The following KCNK9 variants were observed in gnomAD, a reference collection of about 807,000 sequenced individuals.
KCNK9 encodes potassium two pore domain channel subfamily K member 9.
A neutral mutation model predicts 10.8 loss-of-function variants in KCNK9; 1 was observed. The observed-to-expected ratio is 0.09, with a 90% CI of 0.03 to 0.44. The LOEUF (loss-of-function observed/expected upper bound fraction) is 0.44. KCNK9 is among the 20% of genes least tolerant of loss of function. KCNK9 has a pLI of 0.97. For missense variants in KCNK9, 303 were observed against 515.0 expected (o/e 0.59, Z 3.98); for synonymous variants, 231 against 222.7 (o/e 1.04, Z -0.33).
At chr8:139,609,106 A>ACCCCCT (rs1554617339), downstream of KCNK9, among the ~76,000 whole-genome samples, 2 of 123,852 alleles carry the variant, frequency 1.6e-5, no homozygotes, top group African/African-American at 3.2e-5. Context: ...GACCCATCCC[A>ACCCCCT]CCCCACCCCG....
chr8:139,663,691 GAGAT>G (rs1220657165), intron 1 of KCNK9, among the ~76,000 whole-genome samples: 1 of 150,828 alleles, frequency 6.6e-6, no homozygotes, highest in Non-Finnish European at 1.5e-5. Flanking sequence ...GTTAGAGAGA[GAGAT>G]AGAGAGAGAG....
intron 1 of KCNK9, among the ~76,000 whole-genome samples, chr8:139,625,625 G>A (rs1166833442): frequency 6.6e-6 from 1 of 152,058 alleles, no homozygotes; most frequent in Non-Finnish European, 1.5e-5. Context: ...GATTTTCATG[G>A]CCTCTTTAAT....
intron 1 of KCNK9, among the ~76,000 whole-genome samples, chr8:139,643,015 C>T (rs2545459): frequency 0.016 from 2,385 of 152,276 alleles, 31 homozygotes; most frequent in Non-Finnish European, 0.023. Flanking sequence ...GGCCCAGCCT[C>T]TGCATCTGAT....
At chr8:139,699,844 C>T (rs566878908) in intron 1 of KCNK9, among the ~76,000 whole-genome samples, 1 of 152,330 alleles carries the variant, frequency 6.6e-6, no homozygotes, top group South Asian at 2.1e-4. Context: ...GAGAAGAAGC[C>T]TTCATTCGTG....
chr8:139,661,774 C>G (rs1039799191), intron 1 of KCNK9, among the ~76,000 whole-genome samples: 7 of 152,224 alleles, frequency 4.6e-5, no homozygotes, highest in Non-Finnish European at 1.0e-4. Flanking sequence ...CACTTTGGGA[C>G]CAAGCTCCCA....
chr8:139,689,140 G>A (rs1240088356), intron 1 of KCNK9, among the ~76,000 whole-genome samples: 10 of 152,244 alleles, frequency 6.6e-5, no homozygotes, highest in South Asian at 2.1e-4. Context: ...AAAGGCTTCC[G>A]AAGAAATCAA....
intron 1 of KCNK9, among the ~76,000 whole-genome samples, chr8:139,628,257 G>A (rs980881592): frequency 1.3e-5 from 2 of 152,206 alleles, no homozygotes; most frequent in Non-Finnish European, 2.9e-5. Context: ...GGCCACCAGG[G>A]ACAAGAATCA....
chr8:139,635,537 CAG>C (rs1815311393), intron 1 of KCNK9, among the ~76,000 whole-genome samples: 1 of 152,216 alleles, frequency 6.6e-6, no homozygotes, highest in African/African-American at 2.4e-5. Context: ...CCTAACCTTG[CAG>C]AGAGTGAGAG....
chr8:139,613,841 G>A (rs1814502024), downstream of KCNK9, among the ~76,000 whole-genome samples: 1 of 152,204 alleles, frequency 6.6e-6, no homozygotes, highest in African/African-American at 2.4e-5. Flanking sequence ...CAGCTGGCCT[G>A]CATGGGACAG....
chr8:139,677,907 T>G (rs574445323), intron 1 of KCNK9, among the ~76,000 whole-genome samples: 2 of 131,736 alleles, frequency 1.5e-5, no homozygotes, highest in East Asian at 4.0e-4. Context: ...GAGCCCAATG[T>G]GTCCCCACAG....
intron 1 of KCNK9, among the ~76,000 whole-genome samples, chr8:139,648,799 T>A (rs1815768044): frequency 6.6e-6 from 1 of 152,208 alleles, no homozygotes; most frequent in African/African-American, 2.4e-5. Flanking sequence ...CGGACGCCAA[T>A]GACACGTGCC....
In KCNK9 at chr8:139,620,690, G is replaced by A. The variant is rs930333097; in HGVS notation, c.284-1591C>T. Among the ~76,000 whole-genome samples, 5 of 152,238 alleles carry A rather than the reference G, an allele frequency of 3.3e-5. No homozygotes were observed. In the South Asian group the frequency reaches 6.2e-4, roughly 19 times the overall value. Reference sequence around the variant, plus strand: ...TGACATCACATGTTTGCCTCCAGAAGGCCTTCCCCCCATCCTCTCTGGCCC... The same window carrying A: ...TGACATCACATGTTTGCCTCCAGAAAGCCTTCCCCCCATCCTCTCTGGCCC... On this transcript the variant is annotated intron_variant, in intron 1 of 1. Coordinates refer to ENST00000520439, the MANE Select transcript of KCNK9 (RefSeq NM_001282534.2).
chr8:139,630,448 G>GC (rs1489899452), intron 1 of KCNK9, among the ~76,000 whole-genome samples: 3 of 152,106 alleles, frequency 2.0e-5, no homozygotes, highest in Non-Finnish European at 4.4e-5. Flanking sequence ...GCAGGCCTGG[G>GC]CCAGCCCCTA....
intron 1 of KCNK9, among the ~76,000 whole-genome samples, chr8:139,656,427 G>A (rs1050582558): frequency 2.0e-5 from 3 of 152,060 alleles, no homozygotes; most frequent in Admixed American, 6.5e-5. Context: ...TCCCCACGCC[G>A]CTCCCTCGGC....
intron 1 of KCNK9, among the ~76,000 whole-genome samples, chr8:139,679,582 G>A (rs538148448): frequency 4.6e-5 from 7 of 152,354 alleles, no homozygotes; most frequent in Non-Finnish European, 7.3e-5. Context: ...GTCACCAAGA[G>A]CTTAGCACGT....
chr8:139,632,743 G>A (rs998099027), intron 1 of KCNK9, among the ~76,000 whole-genome samples: 1 of 152,186 alleles, frequency 6.6e-6, no homozygotes, highest in African/African-American at 2.4e-5. Flanking sequence ...GCTGTTAGGA[G>A]CCTGGGTTCT....
rs938291197 is a variant in KCNK9 at position 139,691,211 on chromosome 8, C to T, written c.283+11499G>A. On this transcript the variant is annotated intron_variant, in intron 1 of 1. Coordinates refer to ENST00000520439, the MANE Select transcript of KCNK9 (RefSeq NM_001282534.2). ...TACAGGCTCCCTTCCCCTCCCCCTC[C>T]TCATTTCATGCGTCCACAAGTGTCC... Among the ~76,000 whole-genome samples the T allele has an allele frequency of 7.2e-5, 11 of 152,278 alleles. No individual in the cohort carries two copies. In the South Asian group the frequency reaches 1.5e-3, roughly 20 times the overall value.
At chr8:139,661,769 T>C (rs943611764) in intron 1 of KCNK9, among the ~76,000 whole-genome samples, 11 of 152,202 alleles carry the variant, frequency 7.2e-5, no homozygotes, top group African/African-American at 2.7e-4. Flanking sequence ...TGTGTCACTT[T>C]GGGACCAAGC....
chr8:139,687,361 T>C (rs1563751626), intron 1 of KCNK9, among the ~76,000 whole-genome samples: 4 of 145,548 alleles, frequency 2.7e-5, no homozygotes, highest in African/African-American at 1.0e-4. Flanking sequence ...TATGTATACA[T>C]ATATATGTGT....
Sources: allele counts gnomAD v4.1 joint callset (sites outside exome capture counted in the v4.1 genomes callset), GRCh38; gene constraint gnomAD v4.1.1; transcripts MANE v1.5; gene names NCBI Gene and HGNC (gene_info 2026-07-23, HGNC 2026-07-21).